Variants in FTCDNL1 observed in about 807,000 individuals in gnomAD.
FTCDNL1 encodes the protein formiminotransferase cyclodeaminase N-terminal like.
Under a neutral mutation model 5.9 loss-of-function variants are expected in FTCDNL1, and 11 were observed. That is an observed-to-expected ratio of 1.87 (90% CI 1.18 to 3.10). The LOEUF (loss-of-function observed/expected upper bound fraction) is 3.10. Ranked by LOEUF, FTCDNL1 falls within the 30% of genes most tolerant of loss-of-function variation. FTCDNL1 has a pLI of 0.00. For synonymous variants in FTCDNL1, 58 were observed against 24.8 expected (o/e 2.34, Z -3.99); for missense variants, 115 against 65.5 (o/e 1.76, Z -2.61).
chr2:199,765,532 TTATATATA>T (rs1319054963), intron 3 of FTCDNL1, among the ~76,000 whole-genome samples: 10 of 79,604 alleles, frequency 1.3e-4, no homozygotes, highest in Non-Finnish European at 2.0e-4. Flanking sequence ...TTTGTCTTCA[TTATATATA>T]TATATATATA....
intron 4 of FTCDNL1, among the ~76,000 whole-genome samples, chr2:199,815,798 G>A (rs1283643891): frequency 2.0e-5 from 3 of 151,930 alleles, no homozygotes; most frequent in East Asian, 1.9e-4. Context: ...TCAGGAGTTC[G>A]AGACCATCCT....
chr2:199,676,582 T>C, the FTCDNL1 span, among the ~76,000 whole-genome samples: 1 of 151,826 alleles, frequency 6.6e-6, no homozygotes, highest in African/African-American at 2.4e-5. Context: ...ATATTATATA[T>C]ATAACAAAAC....
the FTCDNL1 span, among the ~76,000 whole-genome samples, chr2:199,709,919 A>G: frequency 6.6e-6 from 1 of 152,098 alleles, no homozygotes; most frequent in Non-Finnish European, 1.5e-5. Context: ...TCCCATTCAT[A>G]TATTTGTTAA....
the FTCDNL1 span, among the ~76,000 whole-genome samples, chr2:199,684,358 GC>G: frequency 6.6e-6 from 1 of 152,236 alleles, no homozygotes; most frequent in South Asian, 2.1e-4. Context: ...AAGACAGATG[GC>G]GCTATAAATA....
intron 2 of FTCDNL1, among the ~76,000 whole-genome samples, chr2:199,846,640 T>C (rs1027860568): frequency 2.0e-5 from 3 of 152,198 alleles, no homozygotes; most frequent in African/African-American, 7.2e-5. Context: ...GCAGAGGTTT[T>C]TGAGACGCAT....
chr2:199,766,334 C>T (rs1698536053), intron 3 of FTCDNL1, among the ~76,000 whole-genome samples: 1 of 152,200 alleles, frequency 6.6e-6, no homozygotes, highest in African/African-American at 2.4e-5. Flanking sequence ...TTAAAGCTGA[C>T]AGGATATATA....
At chr2:199,697,966 G>A in the FTCDNL1 span, among the ~76,000 whole-genome samples, 7 of 152,158 alleles carry the variant, frequency 4.6e-5, no homozygotes, top group East Asian at 1.9e-4. Flanking sequence ...ACAAACAAAC[G>A]AAAGCAGGGG....
chr2:199,780,830 T>C (rs1699328281), intron 3 of FTCDNL1, among the ~76,000 whole-genome samples: 1 of 152,234 alleles, frequency 6.6e-6, no homozygotes, highest in South Asian at 2.1e-4. Flanking sequence ...TCCTCTGCCC[T>C]TTCCTGGTGT....
intron 3 of FTCDNL1, among the ~76,000 whole-genome samples, chr2:199,834,385 C>A (rs1702573543): frequency 6.6e-6 from 1 of 152,174 alleles, no homozygotes; most frequent in South Asian, 2.1e-4. Flanking sequence ...AACTAAAACA[C>A]CAGCCTCGCT....
intron 4 of FTCDNL1, 127 bp downstream of exon 4, chr2:199,819,445 C>A (rs1274125319): frequency 3.2e-6 from 2 of 620,440 alleles, no homozygotes; most frequent in Non-Finnish European, 5.7e-6. Context: ...GAAAGGAGAG[C>A]CTCACCCATT....
chr2:199,783,027 G>A (rs1334639729), intron 3 of FTCDNL1, among the ~76,000 whole-genome samples: 2 of 152,172 alleles, frequency 1.3e-5, no homozygotes, highest in Non-Finnish European at 2.9e-5. Context: ...ACAGATTTCT[G>A]TAGGTTTGGC....
At chr2:199,749,691 C>T in the FTCDNL1 span, among the ~76,000 whole-genome samples, 3 of 152,236 alleles carry the variant, frequency 2.0e-5, no homozygotes, top group Non-Finnish European at 4.4e-5. Flanking sequence ...TGCATGTTTT[C>T]GTAGTACTCA....
the FTCDNL1 span, among the ~76,000 whole-genome samples, chr2:199,708,114 ATT>A: frequency 6.6e-6 from 1 of 151,414 alleles, no homozygotes; most frequent in African/African-American, 2.4e-5. Flanking sequence ...TTTTTTCTGA[ATT>A]TTTTTTTAAA....
the FTCDNL1 span, among the ~76,000 whole-genome samples, chr2:199,739,999 C>T: frequency 6.6e-6 from 1 of 152,104 alleles, no homozygotes; most frequent in African/African-American, 2.4e-5. Context: ...ATGAACACTG[C>T]CCCCTGCTGG....
At chr2:199,726,671 G>T in the FTCDNL1 span, among the ~76,000 whole-genome samples, 430 of 152,154 alleles carry the variant, frequency 2.8e-3, 6 homozygotes, top group African/African-American at 9.7e-3. Flanking sequence ...CCATAGGGCT[G>T]CTGTGGTCTG....
chr2:199,733,465 T>C, the FTCDNL1 span, among the ~76,000 whole-genome samples: 4 of 152,126 alleles, frequency 2.6e-5, no homozygotes, highest in Non-Finnish European at 5.9e-5. Context: ...GTAAGGGAGC[T>C]GGCAGAATCA....
intron 3 of FTCDNL1, among the ~76,000 whole-genome samples, chr2:199,790,940 C>T (rs2106362056): frequency 6.6e-6 from 1 of 152,214 alleles, no homozygotes; most frequent in Non-Finnish European, 1.5e-5. Context: ...GCAATCTCAA[C>T]TTCTTAAAAC....
At chr2:199,736,274 T>C in the FTCDNL1 span, among the ~76,000 whole-genome samples, 3 of 152,342 alleles carry the variant, frequency 2.0e-5, no homozygotes, top group Admixed American at 2.0e-4. Flanking sequence ...AACCTGACTC[T>C]TAAAAACATG....
the FTCDNL1 span, among the ~76,000 whole-genome samples, chr2:199,669,219 T>A: frequency 6.6e-6 from 1 of 152,188 alleles, no homozygotes; most frequent in Non-Finnish European, 1.5e-5. Flanking sequence ...GTTTTCTGCC[T>A]TTGAGAAGAG....
Sources: allele counts gnomAD v4.1 joint callset (sites outside exome capture counted in the v4.1 genomes callset), GRCh38; gene constraint gnomAD v4.1.1; transcripts MANE v1.5; gene names NCBI Gene and HGNC (gene_info 2026-07-23, HGNC 2026-07-21).